FOXP2: variants seen among roughly 807,000 people sequenced by gnomAD.
FOXP2 encodes forkhead box P2.
In FOXP2, 12 loss-of-function variants were observed where a neutral mutation model predicts 115.8. The ratio of observed to expected loss-of-function variants is 0.10; its 90% CI spans 0.07 to 0.17. FOXP2 has a LOEUF of 0.17. FOXP2 is among the 10% of genes least tolerant of loss of function. The probability of loss-of-function intolerance (pLI) is 1.00; values close to 1 mark genes in which losing one functional copy is unlikely to be tolerated. For synonymous variants in FOXP2, 328 were observed against 297.7 expected (o/e 1.10, Z -1.05); for missense variants, 629 against 843.5 (o/e 0.75, Z 3.15).
At chr7:114,502,860 T>C (rs1279618210) in intron 2 of FOXP2, among the ~76,000 whole-genome samples, 2 of 152,050 alleles carry the variant, frequency 1.3e-5, no homozygotes, top group Non-Finnish European at 2.9e-5. Context: ...TTTACACATA[T>C]GATTCTATTT....
At chr7:114,373,241 C>T (rs1472942796) in intron 2 of FOXP2, among the ~76,000 whole-genome samples, 2 of 152,090 alleles carry the variant, frequency 1.3e-5, no homozygotes, top group African/African-American at 4.8e-5. Flanking sequence ...AGGATGGTCT[C>T]GATCTCCTGA....
intron 3 of FOXP2, among the ~76,000 whole-genome samples, chr7:114,566,076 G>A (rs915321657): frequency 7.2e-5 from 11 of 152,060 alleles, no homozygotes; most frequent in Non-Finnish European, 1.3e-4. Context: ...CATTGTCCCT[G>A]GGACAGTTTC....
At chr7:114,316,086 A>C (rs748739837) in intron 2 of FOXP2, among the ~76,000 whole-genome samples, 41 of 152,192 alleles carry the variant, frequency 2.7e-4, no homozygotes, top group Admixed American at 5.9e-4. Flanking sequence ...TTACAGTAAG[A>C]ACTGGAACAG....
intron 3 of FOXP2, among the ~76,000 whole-genome samples, 172 bp from the exon 4 acceptor site, chr7:114,628,368 G>T (rs1563044450): frequency 6.6e-6 from 1 of 152,128 alleles, no homozygotes; most frequent in Non-Finnish European, 1.5e-5. Context: ...TAGTGTCTAT[G>T]TTTTGTGATA....
chr7:114,619,491 A>G (rs1295172142), intron 3 of FOXP2, among the ~76,000 whole-genome samples: 2 of 152,124 alleles, frequency 1.3e-5, no homozygotes, highest in African/African-American at 4.8e-5. Context: ...TGCATTAGGT[A>G]CAATATAAAA....
chr7:114,689,757 T>G (rs756140460), intron 16 of FOXP2, 25 bp from the exon 17 acceptor site: 12 of 1,612,522 alleles, frequency 7.4e-6, no homozygotes, highest in Non-Finnish European at 9.3e-6. Context: ...TTAGTAAAAT[T>G]TTGGTGTATC....
At chr7:114,402,857 T>C (rs1344108664) in intron 2 of FOXP2, among the ~76,000 whole-genome samples, 2 of 152,076 alleles carry the variant, frequency 1.3e-5, no homozygotes, top group African/African-American at 4.8e-5. Flanking sequence ...AAGGCTGGTC[T>C]CAAACTCCTG....
chr7:114,387,813 C>T (rs7788307), intron 2 of FOXP2, among the ~76,000 whole-genome samples: 146,720 of 152,200 alleles, frequency 0.96, 70,933 homozygotes, highest in East Asian at 1. Flanking sequence ...AATTTAAAAT[C>T]CATTAGTTAG....
At chr7:114,446,266 A>G (rs1190302343) in intron 2 of FOXP2, among the ~76,000 whole-genome samples, 2 of 152,058 alleles carry the variant, frequency 1.3e-5, no homozygotes, top group African/African-American at 4.8e-5. Context: ...ATTTAGTAAC[A>G]TTCATATTTG....
At chr7:114,631,078 C>G (rs972921997) in intron 5 of FOXP2, 1 of 182,698 alleles carries the variant, frequency 5.5e-6, no homozygotes, top group African/African-American at 2.4e-5. Flanking sequence ...ACAGGCCTAT[C>G]CTATGAAGGC....
chr7:114,515,075 C>T (rs2129264905), intron 2 of FOXP2, among the ~76,000 whole-genome samples: 1 of 150,778 alleles, frequency 6.6e-6, no homozygotes, highest in African/African-American at 2.4e-5. Context: ...GCATAGTATT[C>T]CATGGTGTAT....
At chr7:114,462,238 G>A (rs138520889) in intron 2 of FOXP2, among the ~76,000 whole-genome samples, 8,399 of 114,074 alleles carry the variant, frequency 0.074, 356 homozygotes, top group Middle Eastern at 0.27. Flanking sequence ...CCGAGATTTC[G>A]CCGCTGCACT....
rs539990744 is a variant in FOXP2 at position 114,248,481 on chromosome 7, A to G, written c.-101-39538A>G. Among the ~76,000 whole-genome samples, 77 of 152,344 alleles carry G rather than the reference A, an allele frequency of 5.1e-4. No individual in the cohort carries two copies. In the South Asian group the frequency reaches 0.016, roughly 32 times the overall value. ...ACAATTTAAAATGGAAAAAAACTCA[A>G]TACGTGATAATTTAGACTCTAGTTT... On this transcript the variant is annotated intron_variant, in intron 1 of 17. Transcript: ENST00000634411.
chr7:114,088,260 A>C (rs1323560000), intron 1 of FOXP2: 1 of 152,636 alleles, frequency 6.6e-6, no homozygotes, highest in East Asian at 1.9e-4. Flanking sequence ...AAGGTGCGCT[A>C]GGTGGCCTGG....
In FOXP2 at chr7:114,691,033, A is replaced by C; in HGVS notation, c.*1107A>C. On this transcript the variant is annotated 3_prime_UTR_variant, in exon 17 of 17. Transcript: ENST00000350908. Reference sequence around the variant, plus strand: ...TTCATTAAAGACAGAGGTGAGGACAAAATCCGCAGTGGAAGTTATGATATG... The same window carrying C: ...TTCATTAAAGACAGAGGTGAGGACACAATCCGCAGTGGAAGTTATGATATG... 1 of 454,240 alleles carries C rather than the reference A, an allele frequency of 2.2e-6. No individual in the cohort carries two copies. The highest frequency in any genetic ancestry group is 1.6e-5 in the South Asian group (1 of 64,482). 28.1% of individuals were successfully genotyped at this position (454,240 alleles called of 1,614,324 possible).
chr7:114,562,248 A>G (rs374490988), intron 3 of FOXP2, among the ~76,000 whole-genome samples: 23 of 152,188 alleles, frequency 1.5e-4, no homozygotes, highest in African/African-American at 5.5e-4. Flanking sequence ...ATTCCTATAG[A>G]GAATCACAAT....
intron 1 of FOXP2, among the ~76,000 whole-genome samples, chr7:114,125,108 T>C (rs1342289573): frequency 6.6e-6 from 1 of 152,132 alleles, no homozygotes; most frequent in Non-Finnish European, 1.5e-5. Flanking sequence ...GGCTAGTTTG[T>C]GAATTTGTGT....
chr7:114,292,286 A>G (rs560399474), intron 2 of FOXP2, among the ~76,000 whole-genome samples: 1 of 152,108 alleles, frequency 6.6e-6, no homozygotes, highest in South Asian at 2.1e-4. Context: ...ACGTTTTATA[A>G]TTATGTTATA....
At chr7:114,155,146 G>T (rs938026324) in intron 1 of FOXP2, among the ~76,000 whole-genome samples, 1 of 152,004 alleles carries the variant, frequency 6.6e-6, no homozygotes, top group African/African-American at 2.4e-5. Context: ...ATATATGTTG[G>T]GTATTGTAAA....
Sources: allele counts gnomAD v4.1 joint callset (sites outside exome capture counted in the v4.1 genomes callset), GRCh38; gene constraint gnomAD v4.1.1; transcripts MANE v1.5; gene names NCBI Gene and HGNC (gene_info 2026-07-23, HGNC 2026-07-21).